The following TTC39A variants were observed in gnomAD, a reference collection of about 807,000 sequenced individuals.
TTC39A encodes tetratricopeptide repeat protein 39A.
Under a neutral mutation model 82.3 loss-of-function variants are expected in TTC39A, and 46 were observed. The ratio of observed to expected loss-of-function variants is 0.56; its 90% CI spans 0.44 to 0.71. The LOEUF (loss-of-function observed/expected upper bound fraction) is 0.71. Ranked by LOEUF, TTC39A falls within the 30% of genes least tolerant of loss-of-function variation. The pLI, the probability that TTC39A is intolerant of heterozygous loss-of-function variation, is 0.00. For missense variants in TTC39A, 543 were observed against 712.9 expected (o/e 0.76, Z 2.71); for synonymous variants, 254 against 275.2 (o/e 0.92, Z 0.76).
At chr1:51,303,519 G>A (rs760123198) in intron 8 of TTC39A, among the ~76,000 whole-genome samples, 1 of 152,192 alleles carries the variant, frequency 6.6e-6, no homozygotes, top group African/African-American at 2.4e-5. Context: ...AGGTCTGGTT[G>A]GGAGCAGGAG....
In TTC39A at chr1:51,321,720, C is replaced by T; in HGVS notation, c.146+1G>A. 6.2e-7 allele frequency: 1 copy of T among 1,613,796 alleles called. No individual in the cohort carries two copies. Among genetic ancestry groups the T allele is most frequent in the Non-Finnish European group, 8.5e-7 (1 of 1,179,800 alleles). On this transcript the variant is annotated splice_donor_variant, in intron 2 of 17. Coordinates refer to ENST00000680483, the MANE Select transcript of TTC39A (RefSeq NM_001297663.2). LOFTEE classifies it high-confidence loss of function. The surrounding 1 kb of genome is among the most constrained non-coding windows in gnomAD (Gnocchi z 4.6). ...TACCCCAACCGGGGCTTGAGCCTCA[C>T]CTGGGCTTGAGGTAGCTGAGTGCTT... is the stretch of plus-strand genomic sequence containing the variant.
chr1:51,320,567 C>T (rs1057339424), intron 2 of TTC39A, among the ~76,000 whole-genome samples: 2 of 151,524 alleles, frequency 1.3e-5, no homozygotes, highest in Non-Finnish European at 2.9e-5. Context: ...GAGACTATAG[C>T]TACTATATAC....
rs960270110 is a variant in TTC39A at position 51,321,927 on chromosome 1, G to T, written c.42-102C>A. 2.2e-6 allele frequency: 3 copies of T among 1,346,590 alleles called. No individual in the cohort carries two copies. The highest frequency in any genetic ancestry group is 2.9e-5 in the African/African-American group (2 of 68,762). The allele number at this position is 1,346,590 out of a possible 1,614,324, so 83.4% of individuals were successfully genotyped here. A position where few individuals can be genotyped will look rare whatever the true frequency, so the allele number is the denominator to read the frequency against. On this transcript the variant is annotated intron_variant, in intron 1 of 17. Transcript: ENST00000680483. The surrounding 1 kb of genome is among the most constrained non-coding windows in gnomAD (Gnocchi z 4.6). ...AGGGTCTACTCAGCCTCCCTGGCCA[G>T]CCTTGGGTGCCTGTCACGAGCTCCT... is the stretch of plus-strand genomic sequence containing the variant.
chr1:51,293,066 ATTT>A (rs566400161), intron 14 of TTC39A, among the ~76,000 whole-genome samples: 2 of 130,570 alleles, frequency 1.5e-5, no homozygotes, highest in African/African-American at 2.8e-5. Context: ...GCTTTACTGT[ATTT>A]TTTTTTTTTT....
Position 51,294,521 on chromosome 1 carries a change from A to C in TTC39A, c.1146-10T>G. ...CAGGCCTGGCACAGCTCTGCGAAAG[A>C]GATGGGGAGGGTGGGAGAGGATGAA... is the stretch of plus-strand genomic sequence containing the variant. On this transcript the variant is annotated splice_polypyrimidine_tract_variant and intron_variant, in intron 13 of 17. Coordinates refer to ENST00000680483, the MANE Select transcript of TTC39A (RefSeq NM_001297663.2). This position sits in a 1 kb window ranked among gnomAD's most constrained non-coding sequence, Gnocchi z 4.3. The C allele has an allele frequency of 1.2e-6, 2 of 1,613,792 alleles. No homozygotes were observed. Among genetic ancestry groups the C allele is most frequent in the South Asian group, 2.2e-5 (2 of 91,066 alleles).
At chr1:51,326,282 G>C (rs1028528950) in intron 1 of TTC39A, among the ~76,000 whole-genome samples, 1 of 152,164 alleles carries the variant, frequency 6.6e-6, no homozygotes, top group Non-Finnish European at 1.5e-5. Flanking sequence ...AAGGAGGATG[G>C]CATCAAGGAA....
At position 51,290,641 on chromosome 1, in the gene TTC39A, C is replaced by G. The variant is rs767667293; in HGVS notation, c.1267-16G>C. 2 of 1,604,256 alleles carry G rather than the reference C, an allele frequency of 1.2e-6. No homozygotes were observed. The highest frequency in any genetic ancestry group is 3.4e-5 in the Admixed American group (2 of 58,476). On this transcript the variant is annotated splice_polypyrimidine_tract_variant and intron_variant, in intron 14 of 17. Transcript: ENST00000680483. The stretch of plus-strand genomic sequence containing the variant: ...ACATCATTTCCTGAAGGCAGGGGGG[C>G]AAGTCAGTCCTAGGTTTCTTCCCTA...
intron 13 of TTC39A, chr1:51,295,560 A>G (rs1303889090): frequency 2.5e-5 from 4 of 161,586 alleles, no homozygotes; most frequent in Admixed American, 1.1e-4. Flanking sequence ...GGCTCTTAAC[A>G]TTTATTATCT....
rs543138910 is a variant in TTC39A, at chr1:51,305,699, G to A, written c.588+278C>T. On this transcript the variant is annotated intron_variant, in intron 7 of 17. Coordinates refer to ENST00000680483, the MANE Select transcript of TTC39A (RefSeq NM_001297663.2). ...CTGATTTATTGTGTGTGCCAAGGTC[G>A]GGTGCTGTGAAGGTTCCACCATGGT... 75 of 496,854 alleles carry A rather than the reference G, an allele frequency of 1.5e-4. No individual in the cohort carries two copies. The South Asian group carries it at 1.5e-3, about 10-fold the overall frequency. 30.8% of individuals were successfully genotyped at this position (496,854 alleles called of 1,614,324 possible).
intron 1 of TTC39A, among the ~76,000 whole-genome samples, chr1:51,324,965 C>G (rs1212325070): frequency 6.6e-6 from 1 of 152,054 alleles, no homozygotes; most frequent in Non-Finnish European, 1.5e-5. Flanking sequence ...TCTTTAAAAC[C>G]CACATCTGTC....
intron 13 of TTC39A, 78 bp downstream of exon 13, chr1:51,296,001 G>C: frequency 6.7e-7 from 1 of 1,488,466 alleles, no homozygotes; most frequent in South Asian, 1.2e-5. Context: ...CACAGCTCAG[G>C]GTGGCCTGGC....
intron 2 of TTC39A, among the ~76,000 whole-genome samples, chr1:51,320,045 C>G (rs1007885003): frequency 2.0e-5 from 3 of 152,064 alleles, no homozygotes; most frequent in Non-Finnish European, 4.4e-5. Flanking sequence ...ACACAAGAGA[C>G]AAGACCTGGA....
chr1:51,330,482 G>A lies in TTC39A; in HGVS notation c.-5C>T. On this transcript the variant is annotated 5_prime_UTR_variant, in exon 1 of 18. Transcript: ENST00000680483. The surrounding 1 kb of genome is among the most constrained non-coding windows in gnomAD (Gnocchi z 4.5). Reference sequence around the variant, plus strand: ...GGCGCCGCCAGCCGAGGTCATCGCCGAGGGGCGCGGGCGGCGCTGCCCCAG... The same window carrying A: ...GGCGCCGCCAGCCGAGGTCATCGCCAAGGGGCGCGGGCGGCGCTGCCCCAG... 1 of 983,618 alleles carries A rather than the reference G, an allele frequency of 1.0e-6. No individual in the cohort carries two copies. The highest frequency in any genetic ancestry group is 1.2e-6 in the Non-Finnish European group (1 of 830,154). The allele number at this position is 983,618 out of a possible 1,614,324, so 60.9% of individuals were successfully genotyped here.
rs1271546284 is a variant in TTC39A at position 51,294,898 on chromosome 1, G to A, written c.1146-387C>T. Among the ~76,000 whole-genome samples, 1 of 152,214 alleles carries A rather than the reference G, an allele frequency of 6.6e-6. No individual in the cohort carries two copies. The highest frequency in any genetic ancestry group is 1.5e-5 in the Non-Finnish European group (1 of 68,038). ...AGAGACCAACACTCGGAGAAAGGGT[G>A]GGACCTACCCAAGACCAAACAGCTC... On this transcript the variant is annotated intron_variant, in intron 13 of 17. Coordinates refer to ENST00000680483, the MANE Select transcript of TTC39A (RefSeq NM_001297663.2). The surrounding 1 kb of genome is among the most constrained non-coding windows in gnomAD (Gnocchi z 4.3).
intron 5 of TTC39A, among the ~76,000 whole-genome samples, chr1:51,310,668 C>A (rs913649407): frequency 5.9e-5 from 9 of 152,188 alleles, no homozygotes; most frequent in Non-Finnish European, 2.9e-5. Context: ...ATCATTCCCA[C>A]CGTGTGGTGA....
chr1:51,294,446 C>T lies in TTC39A; in HGVS notation c.1211G>A (p.Arg404Gln), dbSNP rs773085063. 2.5e-6 allele frequency: 4 copies of T among 1,613,874 alleles called. No homozygotes were observed. Among genetic ancestry groups the T allele is most frequent in the South Asian group, 1.1e-5 (1 of 91,080 alleles). ...GGAGGAGAAGTAGCGCCGGGACTTC[C>T]GGATGGCAAACTTCTCTGTGGGTAG... Reference protein sequence around the residue: ...KSLPTEKFAIRKSRRYFSSNP... With the variant: ...KSLPTEKFAIQKSRRYFSSNP... The change falls in exon 14 of 18, where the codon CGG (arginine) becomes CAG (glutamine). Residue 404 changes from arginine to glutamine, a missense_variant. By Grantham distance (43) the Arg-to-Gln change is conservative (BLOSUM62 1). Coordinates refer to ENST00000680483, the MANE Select transcript of TTC39A (RefSeq NM_001297663.2). This position sits in a 1 kb window ranked among gnomAD's most constrained non-coding sequence, Gnocchi z 4.3.
rs200250903 is a variant in TTC39A at position 51,288,871 on chromosome 1, G to A, written c.1578C>T (p.Asn526=). ...LALLLMEQDR[N]EEAIKLLESA... ...ATTCCAAAAGTTTGATGGCCTCTTC[G>A]TTTCTGTCTTGCTCCATAAGCAGCA... The change falls in exon 17 of 18, where the codon AAC becomes AAT. Residue 526 remains asparagine (N), a synonymous_variant. Transcript: ENST00000680483. This position sits in a 1 kb window ranked among gnomAD's most constrained non-coding sequence, Gnocchi z 4.8. 83 of 1,611,528 alleles carry A rather than the reference G, an allele frequency of 5.2e-5. No individual in the cohort carries two copies. Among genetic ancestry groups the A allele is most frequent in the East Asian group, 4.0e-4 (18 of 44,850 alleles).
intron 16 of TTC39A, 89 bp downstream of exon 16, chr1:51,289,916 G>T: frequency 9.1e-7 from 1 of 1,094,988 alleles, no homozygotes; most frequent in Non-Finnish European, 1.3e-6. Flanking sequence ...GCTAGGGTCA[G>T]CCACTGCAGT....
rs1336386618 is a variant in TTC39A at position 51,296,101 on chromosome 1, C to G, written c.1123G>C (p.Asp375His). Residue 375 changes from aspartate to histidine, a missense_variant, in exon 13 of 18, where the codon GAC becomes CAC. Asp to His is a moderately conservative substitution (Grantham distance 81). Transcript: ENST00000680483. ...CACCGAAATAATTCCACTTCGTCGTCCCCGAACGGCTTGTGGTCCTCCTTC... is the reference window on the plus strand; with the variant it reads ...CACCGAAATAATTCCACTTCGTCGTGCCCGAACGGCTTGTGGTCCTCCTTC... ...FGKEDHKPFG[D>H]DEVELFRAVP... is the part of the protein sequence containing the mutation. 1.3e-6 allele frequency: 2 copies of G among 1,596,350 alleles called. No homozygotes were observed. The highest frequency in any genetic ancestry group is 1.7e-6 in the Non-Finnish European group (2 of 1,171,406).
Sources: allele counts gnomAD v4.1 joint callset (sites outside exome capture counted in the v4.1 genomes callset), GRCh38; gene constraint gnomAD v4.1.1; non-coding constraint Gnocchi (gnomAD v3.1); transcripts MANE v1.5; gene names NCBI Gene and HGNC (gene_info 2026-07-23, HGNC 2026-07-21).